Variants in GTPBP10 observed in about 807,000 individuals in gnomAD.
The protein encoded by GTPBP10 is GTP binding protein 10.
In GTPBP10, 38 loss-of-function variants were observed where a neutral mutation model predicts 44.8. The ratio of observed to expected loss-of-function variants is 0.85; its 90% confidence interval spans 0.65 to 1.11. The LOEUF is 1.11. GTPBP10 is among the 50% of genes most tolerant of loss of function. GTPBP10 has a pLI of 0.00. For synonymous variants in GTPBP10, 152 were observed against 150.6 expected, an observed-to-expected ratio of 1.01 and a Z score of -0.07; for missense variants, 462 against 453.7, an observed-to-expected ratio of 1.02 and a Z score of -0.17.
rs1377853852 is a variant in GTPBP10, at chr7:90,386,405, T to C, written c.*1251T>C. 6.6e-6 allele frequency: 1 copy of C among 152,244 alleles called. No homozygotes were observed. Among genetic ancestry groups the C allele is most frequent in the Non-Finnish European group, 1.5e-5 (1 of 68,036 alleles). The allele number at this position is 152,244 out of a possible 1,614,324, so 9.4% of individuals were successfully genotyped here. A position where few individuals can be genotyped will look rare whatever the true frequency, so the allele number is the denominator to read the frequency against. ...GAAAATTTTCGTTTCTTGAATGTAA[T>C]AGTATTTTTTCCTGAATTGGAGGAG... On this transcript the variant is annotated 3_prime_UTR_variant, in exon 10 of 10. Transcript: ENST00000222511.
chr7:90,377,430 TAAA>T, intron 6 of GTPBP10, 74 bp from the exon 7 acceptor site: 1 of 906,432 alleles, frequency 1.1e-6, no homozygotes, highest in Admixed American at 2.2e-5. Context: ...TGAAATATCT[TAAA>T]AATTTTGGGA....
intron 4 of GTPBP10, among the ~76,000 whole-genome samples, chr7:90,365,420 G>C (rs1796113858): frequency 8.0e-6 from 1 of 124,490 alleles, no homozygotes; most frequent in African/African-American, 3.1e-5. Flanking sequence ...CTGTCACCCA[G>C]GCTGGAGTGC....
rs775169519 is a variant in GTPBP10 at position 90,346,723 on chromosome 7, T to G, written c.-19T>G. ...GCTTGTGCCGCTTCCGCAAGAAGGTTTCCTGGCCTGTTGCAGCCATGGTGC... is the reference window on the plus strand; with the variant it reads ...GCTTGTGCCGCTTCCGCAAGAAGGTGTCCTGGCCTGTTGCAGCCATGGTGC... On this transcript the variant is annotated 5_prime_UTR_variant, in exon 1 of 10. Transcript: ENST00000222511. 1.9e-6 allele frequency: 3 copies of G among 1,614,230 alleles called. No individual in the cohort carries two copies. Among genetic ancestry groups the G allele is most frequent in the Non-Finnish European group, 2.5e-6 (3 of 1,180,030 alleles).
At chr7:90,377,444 T>C in intron 6 of GTPBP10, 63 bp from the exon 7 acceptor site, 1 of 1,046,724 alleles carries the variant, frequency 9.6e-7, no homozygotes, top group Non-Finnish European at 1.4e-6. Flanking sequence ...AATTTTGGGA[T>C]GTAATTGAAC....
At position 90,376,260 on chromosome 7, in the gene GTPBP10, A is replaced by T. The variant is rs1796344196; in HGVS notation, c.592-1247A>T. 2.0e-5 allele frequency among the ~76,000 whole-genome samples: 3 copies of T among 152,068 alleles called. No homozygotes were observed. In the South Asian group the frequency reaches 6.2e-4, roughly 32 times the overall value. ...AAAAAGAAAAGAAAAGCACAAGTGTAAAATGATGGTTAATAATGATTATTC... is the reference window on the plus strand; with the variant it reads ...AAAAAGAAAAGAAAAGCACAAGTGTTAAATGATGGTTAATAATGATTATTC... On this transcript the variant is annotated intron_variant, in intron 6 of 9. Transcript: ENST00000222511.
At chr7:90,372,422 CCCCTGCATCA>C (rs1475226558) in intron 5 of GTPBP10, among the ~76,000 whole-genome samples, 194 bp downstream of exon 5, 1 of 140,458 alleles carries the variant, frequency 7.1e-6, no homozygotes, top group African/African-American at 2.8e-5. Context: ...TCAAGCCATC[CCCCTGCATCA>C]GCCTCCCATG....
Position 90,360,327 on chromosome 7 carries a change from G to A in GTPBP10, c.464+5097G>A, listed in dbSNP as rs190226388. ...GAATTAATTTTTATGTAAGGTGTAA[G>A]GAAGGGATCCAGTTTCAGCTTTCTA... On this transcript the variant is annotated intron_variant, in intron 4 of 9. Transcript: ENST00000222511. Among the ~76,000 whole-genome samples the A allele has an allele frequency of 6.1e-3, 929 of 152,272 alleles. 12 individuals carry two copies. The highest frequency in any genetic ancestry group is 0.02 in the African/African-American group (835 of 41,546).
rs749167534 is a variant in GTPBP10 at position 90,390,713 on chromosome 7, C to T, written c.*5559C>T. 1 of 152,162 alleles carries T rather than the reference C, an allele frequency of 6.6e-6. No individual in the cohort carries two copies. The highest frequency in any genetic ancestry group is 1.5e-5 in the Non-Finnish European group (1 of 68,008). The allele number at this position is 152,162 out of a possible 1,614,324, so 9.4% of individuals were successfully genotyped here. On this transcript the variant is annotated 3_prime_UTR_variant, in exon 10 of 10. Transcript: ENST00000222511. ...GCAAAGGACAAAAGCTTCCTTTGTT[C>T]ATGGCCCATATTCCAGTATATTTTT... is the stretch of plus-strand genomic sequence containing the variant.
rs551976989 is a variant in GTPBP10, at chr7:90,376,082, A to AG, written c.592-1425_592-1424insG. Among the ~76,000 whole-genome samples the AG allele has an allele frequency of 1.3e-4, 20 of 151,646 alleles. 2 individuals carry two copies. The South Asian group carries it at 4.2e-3, about 32-fold the overall frequency. ...TCTACTAAAAATACAAAAAAAAAAAAAAATTAGATGGGTGTGGTGGTGGGT... is the reference window on the plus strand; with the variant it reads ...TCTACTAAAAATACAAAAAAAAAAAAGAAATTAGATGGGTGTGGTGGTGGGT... On this transcript the variant is annotated intron_variant, in intron 6 of 9. Coordinates refer to ENST00000222511, the MANE Select transcript of GTPBP10 (RefSeq NM_033107.4).
At chr7:90,373,447 CAG>C (rs1796295799) in intron 5 of GTPBP10, among the ~76,000 whole-genome samples, 1 of 152,142 alleles carries the variant, frequency 6.6e-6, no homozygotes, top group Non-Finnish European at 1.5e-5. Flanking sequence ...TAAAAGGACA[CAG>C]AATGCCATTA....
chr7:90,362,457 G>T (rs1321985693), intron 4 of GTPBP10, among the ~76,000 whole-genome samples: 6 of 152,226 alleles, frequency 3.9e-5, no homozygotes, highest in African/African-American at 1.2e-4. Context: ...GTGAGTTTCT[G>T]AATCCTGAGT....
intron 4 of GTPBP10, among the ~76,000 whole-genome samples, chr7:90,364,922 C>G (rs1403272707): frequency 1.3e-5 from 2 of 152,196 alleles, no homozygotes; most frequent in African/African-American, 4.8e-5. Context: ...GTGGGACCCT[C>G]CAAGCCAGGT....
intron 8 of GTPBP10, among the ~76,000 whole-genome samples, 156 bp from the exon 9 acceptor site, chr7:90,382,800 T>G (rs1221589416): frequency 1.3e-5 from 2 of 152,220 alleles, no homozygotes; most frequent in Non-Finnish European, 2.9e-5. Context: ...ACCAGAGTCA[T>G]TTTCTGAAAT....
intron 4 of GTPBP10, among the ~76,000 whole-genome samples, chr7:90,360,015 G>C (rs530257787): frequency 5.9e-5 from 9 of 152,300 alleles, no homozygotes; most frequent in African/African-American, 2.2e-4. Flanking sequence ...ATTTGCTTGA[G>C]TACTTTGTAG....
chr7:90,357,367 A>G (rs959757278), intron 4 of GTPBP10, among the ~76,000 whole-genome samples: 1 of 152,162 alleles, frequency 6.6e-6, no homozygotes, highest in African/African-American at 2.4e-5. Flanking sequence ...AACAGCTGCA[A>G]TTTGCTTTTC....
intron 4 of GTPBP10, among the ~76,000 whole-genome samples, chr7:90,368,327 G>A (rs533718953): frequency 2.0e-4 from 30 of 152,204 alleles, no homozygotes; most frequent in African/African-American, 6.0e-4. Context: ...AATGTTGGCC[G>A]TCTTTGCTAG....
intron 6 of GTPBP10, among the ~76,000 whole-genome samples, chr7:90,376,597 T>C (rs1384507540): frequency 6.6e-6 from 1 of 152,182 alleles, no homozygotes; most frequent in Non-Finnish European, 1.5e-5. Context: ...TGTGAAGCAT[T>C]AACAAACATG....
At chr7:90,371,786 T>A (rs1322987127) in intron 4 of GTPBP10, among the ~76,000 whole-genome samples, 4 of 152,064 alleles carry the variant, frequency 2.6e-5, no homozygotes, top group African/African-American at 9.7e-5. Flanking sequence ...TCTATAAAAT[T>A]TTTTTTTAAA....
chr7:90,371,309 T>C, intron 4 of GTPBP10: 1 of 238,184 alleles, frequency 4.2e-6, no homozygotes, highest in Non-Finnish European at 6.8e-6. Context: ...GTTAAGTAAA[T>C]TACACTTCAC....
Sources: gnomAD v4.1 joint callset for allele counts (sites outside exome capture counted in the v4.1 genomes callset) on GRCh38, gnomAD v4.1.1 for gene constraint, MANE v1.5 for transcripts, NCBI Gene and HGNC (gene_info 2026-07-23, HGNC 2026-07-21) for gene names.